TYW1B: variants seen among roughly 807,000 people sequenced by gnomAD.
The protein encoded by TYW1B is tRNA-yW synthesizing protein 1 homolog B, also known as S-adenosyl-L-methionine-dependent tRNA 4-demethylwyosine synthase TYW1B.
In TYW1B, 73 loss-of-function variants were observed where a neutral mutation model predicts 86.9. That is an observed-to-expected ratio of 0.84 (90% CI 0.70 to 1.02). The LOEUF is 1.02. TYW1B is among the 50% of genes least tolerant of loss of function. The pLI is 0.00. For missense variants in TYW1B, 637 were observed against 827.4 expected, an observed-to-expected ratio of 0.77 and a Z score of 2.82; for synonymous variants, 248 against 292.8, an observed-to-expected ratio of 0.85 and a Z score of 1.56.
At chr7:72,827,044 C>A in intron 1 of TYW1B, 59 bp from the exon 2 acceptor site, 1 of 1,529,716 alleles carries the variant, frequency 6.5e-7, no homozygotes, top group South Asian at 1.3e-5. Context: ...ACAAAGATAT[C>A]CTTCCCGATT....
At chr7:72,706,431 C>CAAAACAAAA (rs1814616930) in intron 10 of TYW1B, among the ~76,000 whole-genome samples, 2 of 64,490 alleles carry the variant, frequency 3.1e-5, no homozygotes, top group African/African-American at 1.3e-4. Context: ...CCTCCATCTC[C>CAAAACAAAA]AAAAAAAAAA....
In TYW1B at chr7:72,767,846, A is replaced by G. The variant is rs569940089; in HGVS notation, c.964+9570T>C. 2.1e-4 allele frequency among the ~76,000 whole-genome samples: 32 copies of G among 152,236 alleles called. No homozygotes were observed. The South Asian group carries it at 6.4e-3, about 31-fold the overall frequency. ...CAAAAGTCTTCAACAAATGGTGCCAAAACAACTGGATATCCATATTGGCAG... is the reference window on the plus strand; with the variant it reads ...CAAAAGTCTTCAACAAATGGTGCCAGAACAACTGGATATCCATATTGGCAG... On this transcript the variant is annotated intron_variant, in intron 7 of 13. Transcript: ENST00000620995.
chr7:72,815,550 T>C (rs1190021176), intron 2 of TYW1B, 69 bp from the exon 3 acceptor site: 8 of 1,406,168 alleles, frequency 5.7e-6, no homozygotes, highest in South Asian at 1.3e-5. Flanking sequence ...TTTACCCCTG[T>C]TGGCACAAGA....
intron 11 of TYW1B, among the ~76,000 whole-genome samples, chr7:72,629,305 G>C (rs1234007629): frequency 6.6e-6 from 1 of 152,182 alleles, no homozygotes; most frequent in Non-Finnish European, 1.5e-5. Flanking sequence ...AGTAAGGAAT[G>C]ATAAACTGAC....
intron 10 of TYW1B, among the ~76,000 whole-genome samples, chr7:72,711,654 T>A (rs1786671507): frequency 1.3e-5 from 2 of 150,654 alleles, no homozygotes; most frequent in African/African-American, 4.9e-5. Flanking sequence ...TATTATTATT[T>A]GTATTTGTAT....
At chr7:72,680,416 C>T (rs1554448177) in intron 11 of TYW1B, among the ~76,000 whole-genome samples, 1 of 152,152 alleles carries the variant, frequency 6.6e-6, no homozygotes, top group African/African-American at 2.4e-5. Context: ...CTGGATGCTT[C>T]CTGCCCTCGA....
At chr7:72,612,044 T>TC in intron 13 of TYW1B, among the ~76,000 whole-genome samples, 1 of 152,132 alleles carries the variant, frequency 6.6e-6, no homozygotes. Context: ...CTTCTCTTTT[T>TC]CTCTCTCTCT....
chr7:72,611,074 C>T (rs1427667164), intron 13 of TYW1B, among the ~76,000 whole-genome samples: 11 of 151,962 alleles, frequency 7.2e-5, no homozygotes, highest in Non-Finnish European at 1.3e-4. Flanking sequence ...CTCCGTGCTT[C>T]TCCTTTGGAC....
rs575903890 is a variant in TYW1B at position 72,687,875 on chromosome 7, CAAGAACCCATCTCTCAAAAAA to C, written c.1506+6791_1506+6811del. Among the ~76,000 whole-genome samples the C allele has an allele frequency of 3.0e-3, 453 of 151,942 alleles. 3 individuals carry two copies. The highest frequency in any genetic ancestry group is 0.01 in the African/African-American group (432 of 41,444). On this transcript the variant is annotated intron_variant, in intron 11 of 13. Coordinates refer to ENST00000620995, the MANE Select transcript of TYW1B (RefSeq NM_001145440.3). ...ATTCAAGACCAGCCTGGGCAACAAA[CAAGAACCCATCTCTCAAAAAA>C]AAATTTTTTAGCCAGGTGTGGTGGA...
At chr7:72,599,250 T>C (rs1467259430) in intron 13 of TYW1B, among the ~76,000 whole-genome samples, 1 of 152,142 alleles carries the variant, frequency 6.6e-6, no homozygotes, top group African/African-American at 2.4e-5. Context: ...TCAATTAATG[T>C]AATCCATCAT....
chr7:72,722,834 G>A, intron 9 of TYW1B: 1 of 525,498 alleles, frequency 1.9e-6, no homozygotes, highest in Non-Finnish European at 3.4e-6. Context: ...ACTCACACTA[G>A]AAAGCAAAGG....
At chr7:72,759,250 G>A (rs1554466789) in intron 7 of TYW1B, among the ~76,000 whole-genome samples, 1 of 152,072 alleles carries the variant, frequency 6.6e-6, no homozygotes, top group African/African-American at 2.4e-5. Context: ...TGTGAAGATC[G>A]CTTGAGCCCG....
At chr7:72,816,901 G>A (rs1483408706) in intron 2 of TYW1B, among the ~76,000 whole-genome samples, 1 of 151,906 alleles carries the variant, frequency 6.6e-6, no homozygotes, top group Admixed American at 6.6e-5. Flanking sequence ...TCTTCCATTC[G>A]GCCGTTCCTG....
chr7:72,692,493 G>A (rs1297589756), intron 11 of TYW1B, among the ~76,000 whole-genome samples: 1 of 151,980 alleles, frequency 6.6e-6, no homozygotes, highest in Non-Finnish European at 1.5e-5. Flanking sequence ...TAGCTTTGGT[G>A]ACAGAGCAAG....
chr7:72,754,769 T>C (rs541960403), intron 7 of TYW1B, among the ~76,000 whole-genome samples: 1 of 152,244 alleles, frequency 6.6e-6, no homozygotes, highest in East Asian at 1.9e-4. Context: ...AACTTACCCA[T>C]TATAAGATGG....
chr7:72,735,138 G>GAGAC (rs1379052053), intron 8 of TYW1B, among the ~76,000 whole-genome samples: 1 of 152,220 alleles, frequency 6.6e-6, no homozygotes, highest in Non-Finnish European at 1.5e-5. Context: ...GTATGTTGAA[G>GAGAC]AGACAGCTGC....
chr7:72,824,044 C>CT (rs1788881804), intron 2 of TYW1B, among the ~76,000 whole-genome samples: 1 of 151,990 alleles, frequency 6.6e-6, no homozygotes, highest in African/African-American at 2.4e-5. Flanking sequence ...TTTGCTTTGG[C>CT]TGCTCAGACA....
intron 11 of TYW1B, among the ~76,000 whole-genome samples, chr7:72,652,402 AAAAAT>A (rs1813086629): frequency 6.7e-6 from 1 of 150,126 alleles, no homozygotes; most frequent in Non-Finnish European, 1.5e-5. Context: ...AAAAAAAAAA[AAAAAT>A]TTTTGTGACA....
chr7:72,649,465 C>T (rs1414516238), intron 11 of TYW1B, among the ~76,000 whole-genome samples: 1 of 152,146 alleles, frequency 6.6e-6, no homozygotes, highest in African/African-American at 2.4e-5. Flanking sequence ...ATTGCCTAAA[C>T]CAGGATGTCA....
Sources: allele counts gnomAD v4.1 joint callset (sites outside exome capture counted in the v4.1 genomes callset), GRCh38; gene constraint gnomAD v4.1.1; transcripts MANE v1.5; gene names NCBI Gene and HGNC (gene_info 2026-07-23, HGNC 2026-07-21).